Variants in SPPL3 observed in about 807,000 individuals in gnomAD.
SPPL3 encodes signal peptide peptidase-like 3.
SPPL3 carries 5 observed loss-of-function variants against 42.4 expected under a neutral mutation model. The ratio of observed to expected loss-of-function variants is 0.12; its 90% CI spans 0.06 to 0.25. The LOEUF is 0.25. Ranked by LOEUF, SPPL3 falls within the 10% of genes least tolerant of loss-of-function variation. The pLI, the probability that SPPL3 is intolerant of heterozygous loss-of-function variation, is 1.00. For missense variants in SPPL3, 235 were observed against 489.0 expected (o/e 0.48, Z 4.90); for synonymous variants, 195 against 181.8 (o/e 1.07, Z -0.58).
chr12:120,781,862 C>A (rs561122570), intron 6 of SPPL3, among the ~76,000 whole-genome samples: 6 of 151,720 alleles, frequency 4.0e-5, no homozygotes, highest in East Asian at 3.9e-4. Context: ...CAGGCATGAA[C>A]CACAATGCCC....
chr12:120,806,253 A>T (rs1566047064), intron 2 of SPPL3, among the ~76,000 whole-genome samples: 1 of 148,038 alleles, frequency 6.8e-6, no homozygotes, highest in African/African-American at 2.5e-5. Flanking sequence ...GCTTGAGTGC[A>T]GTGGCGCGAT....
intron 1 of SPPL3, among the ~76,000 whole-genome samples, chr12:120,880,933 C>A (rs1286529765): frequency 7.9e-6 from 1 of 127,234 alleles, no homozygotes; most frequent in Non-Finnish European, 1.7e-5. Context: ...CAAAGATACA[C>A]AAATGGTCAA....
chr12:120,781,583 T>G lies in SPPL3; in HGVS notation c.502+1072A>C, dbSNP rs1293559582. 6.9e-5 allele frequency among the ~76,000 whole-genome samples: 8 copies of G among 116,216 alleles called. No homozygotes were observed. The East Asian group carries it at 1.6e-3, about 24-fold the overall frequency. 76.2% of individuals were successfully genotyped at this position (116,216 alleles called of 152,430 possible). ...TTTTTTTTTTTTTTTTTTTTTTTTTTTTTTTTTTGAGACGGAGTCTTGCTC... is the reference window on the plus strand; with the variant it reads ...TTTTTTTTTTTTTTTTTTTTTTTTTGTTTTTTTTGAGACGGAGTCTTGCTC... On this transcript the variant is annotated intron_variant, in intron 6 of 10. Coordinates refer to ENST00000353487, the MANE Select transcript of SPPL3 (RefSeq NM_139015.5).
chr12:120,830,617 G>T, intron 1 of SPPL3, among the ~76,000 whole-genome samples: 1 of 144,930 alleles, frequency 6.9e-6, no homozygotes, highest in Non-Finnish European at 1.5e-5. Context: ...AGGTGTACAT[G>T]CATATGTTGG....
At chr12:120,859,771 C>G (rs1872573736) in intron 1 of SPPL3, among the ~76,000 whole-genome samples, 1 of 152,092 alleles carries the variant, frequency 6.6e-6, no homozygotes, top group Admixed American at 6.5e-5. Context: ...TGGTGAAACC[C>G]TGTCTCTACT....
chr12:120,799,474 T>G (rs1870215942), intron 2 of SPPL3, among the ~76,000 whole-genome samples: 1 of 152,160 alleles, frequency 6.6e-6, no homozygotes, highest in South Asian at 2.1e-4. Context: ...AGTGGTCAAC[T>G]TCAAACCAGT....
In SPPL3 at chr12:120,763,514, A is replaced by G. The variant is rs1431656215; in HGVS notation, c.*1485T>C. 2 of 152,762 alleles carry G rather than the reference A, an allele frequency of 1.3e-5. No individual in the cohort carries two copies. The highest frequency in any genetic ancestry group is 2.9e-5 in the Non-Finnish European group (2 of 68,118). 9.5% of individuals were successfully genotyped at this position (152,762 alleles called of 1,614,324 possible). Reference sequence around the variant, plus strand: ...TTTGTTGTCAGGCATCCTCATGCCAACCGCAGGCTTCTCTTTGCCTCTGAA... The same window carrying G: ...TTTGTTGTCAGGCATCCTCATGCCAGCCGCAGGCTTCTCTTTGCCTCTGAA... On this transcript the variant is annotated 3_prime_UTR_variant, in exon 11 of 11. Transcript: ENST00000353487.
chr12:120,856,546 G>A (rs914151900), intron 1 of SPPL3, among the ~76,000 whole-genome samples: 2 of 120,132 alleles, frequency 1.7e-5, no homozygotes, highest in African/African-American at 3.3e-5. Context: ...GCGAGACTCC[G>A]TCTCAAAAAA....
rs767410212 is a variant in SPPL3, at chr12:120,768,358, C to T, written c.740G>A (p.Arg247His). Residue 247 changes from arginine to histidine, a missense_variant, in exon 8 of 11, where the codon CGC (arginine) becomes CAC (histidine). Arg to His is a conservative substitution (Grantham distance 29). Transcript: ENST00000353487. ...LGPNVGRDVP[R>H]LSLPGKLVFP... is the part of the protein sequence containing the mutation. ...GACCAGTTTTCCAGGCAGAGACAGG[C>T]GAGGAACATCACGCCCAACATTGGG... is the stretch of plus-strand genomic sequence containing the variant. 3.1e-6 allele frequency: 5 copies of T among 1,613,916 alleles called. No homozygotes were observed. Among genetic ancestry groups the T allele is most frequent in the Non-Finnish European group, 4.2e-6 (5 of 1,179,970 alleles).
chr12:120,887,828 C>T (rs762730884), intron 1 of SPPL3, among the ~76,000 whole-genome samples: 9 of 152,156 alleles, frequency 5.9e-5, no homozygotes, highest in Non-Finnish European at 8.8e-5. Flanking sequence ...ACTTTACACT[C>T]ACTAGGATAG....
intron 2 of SPPL3, among the ~76,000 whole-genome samples, chr12:120,802,434 T>TAA (rs1870346012): frequency 7.0e-6 from 1 of 142,876 alleles, no homozygotes; most frequent in Non-Finnish European, 1.5e-5. Context: ...TATATATATT[T>TAA]TTTTTTTTTT....
chr12:120,808,852 T>G (rs1025734914), intron 2 of SPPL3, among the ~76,000 whole-genome samples: 2 of 152,220 alleles, frequency 1.3e-5, no homozygotes, highest in African/African-American at 4.8e-5. Context: ...AGTCTAAAGA[T>G]GGCTTCTTCT....
intron 2 of SPPL3, among the ~76,000 whole-genome samples, chr12:120,795,488 T>C (rs1293194397): frequency 6.6e-6 from 1 of 152,216 alleles, no homozygotes; most frequent in Non-Finnish European, 1.5e-5. Context: ...TTAAAAGATA[T>C]TTTTGCTGTA....
chr12:120,868,237 C>T (rs1007388265), intron 1 of SPPL3, among the ~76,000 whole-genome samples: 18 of 150,940 alleles, frequency 1.2e-4, no homozygotes, highest in African/African-American at 3.7e-4. Context: ...GCCTGGGTGA[C>T]GGAGCAAGAC....
intron 1 of SPPL3, among the ~76,000 whole-genome samples, chr12:120,842,809 G>T (rs1439450256): frequency 6.6e-6 from 1 of 152,040 alleles, no homozygotes; most frequent in Non-Finnish European, 1.5e-5. Flanking sequence ...ATAGGAATTG[G>T]GTGGGTGGAG....
At chr12:120,885,002 C>T (rs1873409360) in intron 1 of SPPL3, among the ~76,000 whole-genome samples, 2 of 152,172 alleles carry the variant, frequency 1.3e-5, no homozygotes, top group South Asian at 2.1e-4. Flanking sequence ...CAATTCCGCC[C>T]CTACTGGTCC....
chr12:120,773,487 A>G (rs1869197627), intron 6 of SPPL3, among the ~76,000 whole-genome samples: 1 of 152,188 alleles, frequency 6.6e-6, no homozygotes, highest in Admixed American at 6.5e-5. Context: ...GCGGGGAGTG[A>G]GGGTCAGAGG....
chr12:120,854,449 A>G (rs761354978), intron 1 of SPPL3, among the ~76,000 whole-genome samples: 8 of 152,182 alleles, frequency 5.3e-5, no homozygotes, highest in Non-Finnish European at 1.0e-4. Context: ...AGCCAACAGC[A>G]CAGGTCTTTT....
intron 1 of SPPL3, among the ~76,000 whole-genome samples, chr12:120,899,327 G>C (rs1042144307): frequency 9.2e-5 from 14 of 152,122 alleles, no homozygotes; most frequent in African/African-American, 3.1e-4. Flanking sequence ...ATAAGTACTT[G>C]GGTTATAAAC....
Sources: gnomAD v4.1 joint callset for allele counts (sites outside exome capture counted in the v4.1 genomes callset) on GRCh38, gnomAD v4.1.1 for gene constraint, MANE v1.5 for transcripts, NCBI Gene and HGNC (gene_info 2026-07-23, HGNC 2026-07-21) for gene names.